Variants in HTR7 observed in about 807,000 individuals in gnomAD.
HTR7 encodes the protein 5-HT-7.
HTR7 carries 16 observed loss-of-function variants against 34.0 expected under a neutral mutation model. The observed-to-expected ratio is 0.47, with a 90% CI of 0.32 to 0.71. The LOEUF (loss-of-function observed/expected upper bound fraction) is 0.71. HTR7 is among the 30% of genes least tolerant of loss of function. The pLI is 0.04. For missense variants in HTR7, 504 were observed against 625.5 expected (o/e 0.81, Z 2.07); for synonymous variants, 265 against 260.2 (o/e 1.02, Z -0.18).
chr10:90,821,340 C>T (rs1845977909), intron 1 of HTR7, among the ~76,000 whole-genome samples: 2 of 152,152 alleles, frequency 1.3e-5, no homozygotes, highest in Non-Finnish European at 2.9e-5. Flanking sequence ...AGAAAGAGCA[C>T]AGTGATTGTG....
intron 1 of HTR7, among the ~76,000 whole-genome samples, chr10:90,759,624 C>T (rs377702904): frequency 6.9e-6 from 1 of 144,476 alleles, no homozygotes; most frequent in Non-Finnish European, 1.5e-5. Context: ...CACTGCAGTC[C>T]GCAGTCCGGC....
intron 2 of HTR7, among the ~76,000 whole-genome samples, chr10:90,744,912 T>C (rs1004239763): frequency 3.3e-5 from 5 of 152,196 alleles, no homozygotes; most frequent in African/African-American, 1.2e-4. Flanking sequence ...AGCTCCCACA[T>C]TGGTGCCTTT....
At chr10:90,839,008 GAC>G (rs1846290182) in intron 1 of HTR7, among the ~76,000 whole-genome samples, 1 of 152,180 alleles carries the variant, frequency 6.6e-6, no homozygotes, top group African/African-American at 2.4e-5. Flanking sequence ...TGATAAGGAA[GAC>G]TAACCAACAT....
At chr10:90,767,265 C>T (rs959672491) in intron 1 of HTR7, among the ~76,000 whole-genome samples, 1 of 152,190 alleles carries the variant, frequency 6.6e-6, no homozygotes, top group Non-Finnish European at 1.5e-5. Context: ...GGGGTAAACC[C>T]TACTTTAAAA....
At chr10:90,811,823 A>G (rs973763861) in intron 1 of HTR7, among the ~76,000 whole-genome samples, 1 of 151,576 alleles carries the variant, frequency 6.6e-6, no homozygotes, top group East Asian at 1.9e-4. Flanking sequence ...CCTTTCCTAC[A>G]GGGTCTGAGA....
intron 2 of HTR7, 29 bp from the exon 3 acceptor site, chr10:90,743,719 C>G (rs55802807): frequency 0.078 from 118,085 of 1,504,398 alleles, 5,249 homozygotes; most frequent in Non-Finnish European, 0.092. Context: ...CAAAGCAAAT[C>G]CATAAGTAAA....
chr10:90,754,190 A>G (rs1193328437), intron 1 of HTR7, among the ~76,000 whole-genome samples: 1 of 152,126 alleles, frequency 6.6e-6, no homozygotes, highest in African/African-American at 2.4e-5. Flanking sequence ...TAAATCTTAC[A>G]TTGTTTTATT....
In HTR7 at chr10:90,749,382, G is replaced by A; in HGVS notation, c.752C>T (p.Pro251Leu). The change falls in exon 2 of 4, where the codon CCC becomes CTC. Residue 251 changes from proline to leucine, a missense_variant. Physicochemically the swap from Pro to Leu is moderately conservative, Grantham distance 98. Coordinates refer to ENST00000336152, the MANE Select transcript of HTR7 (RefSeq NM_019859.4). The surrounding 1 kb of genome is among the most constrained non-coding windows in gnomAD (Gnocchi z 4.2). ...IYSTAVAFYI[P>L]MSVMLFMYYQ... ...GTACATGAAAAGCATGACGGACATG[G>A]GGATATAAAATGCCACTGCGGTAGA... The A allele has an allele frequency of 6.2e-7, 1 of 1,614,158 alleles. No homozygotes were observed.
At chr10:90,808,576 T>A (rs762180955) in intron 1 of HTR7, among the ~76,000 whole-genome samples, 8 of 151,394 alleles carry the variant, frequency 5.3e-5, no homozygotes, top group Non-Finnish European at 8.8e-5. Flanking sequence ...GATCCCTTAT[T>A]TCCATGCCCC....
intron 1 of HTR7, among the ~76,000 whole-genome samples, chr10:90,802,477 T>C (rs1845642088): frequency 6.6e-6 from 1 of 152,206 alleles, no homozygotes; most frequent in Admixed American, 6.6e-5. Flanking sequence ...GGTAAAAACC[T>C]GGAAAATTAC....
chr10:90,750,912 T>C (rs1844723055), intron 1 of HTR7, among the ~76,000 whole-genome samples: 1 of 152,208 alleles, frequency 6.6e-6, no homozygotes, highest in Non-Finnish European at 1.5e-5. Context: ...CTCATTTTAC[T>C]GGACAGGTTC....
At chr10:90,761,036 T>C (rs1370431652) in intron 1 of HTR7, among the ~76,000 whole-genome samples, 2 of 152,244 alleles carry the variant, frequency 1.3e-5, no homozygotes, top group African/African-American at 4.8e-5. Context: ...TAATATTTTG[T>C]TAAAATAACA....
intron 1 of HTR7, among the ~76,000 whole-genome samples, chr10:90,812,168 A>G (rs1233680640): frequency 6.6e-6 from 1 of 152,204 alleles, no homozygotes; most frequent in Non-Finnish European, 1.5e-5. Context: ...TCCTGTATAG[A>G]CGCTCCTTTT....
intron 1 of HTR7, among the ~76,000 whole-genome samples, chr10:90,790,275 C>G (rs2119877979): frequency 6.6e-6 from 1 of 152,304 alleles, no homozygotes; most frequent in East Asian, 1.9e-4. Context: ...CCCCAAATGA[C>G]TTAATTTGTG....
intron 2 of HTR7, among the ~76,000 whole-genome samples, chr10:90,744,961 TCTC>T (rs1844611682): frequency 6.6e-6 from 1 of 152,182 alleles, no homozygotes; most frequent in Non-Finnish European, 1.5e-5. Context: ...CCATTTCTGC[TCTC>T]CTTTCACTAT....
intron 1 of HTR7, among the ~76,000 whole-genome samples, chr10:90,844,418 C>T (rs1391741242): frequency 1.3e-5 from 2 of 152,162 alleles, no homozygotes; most frequent in Admixed American, 1.3e-4. Context: ...GATATAATCA[C>T]ATTTTTATGT....
chr10:90,841,453 C>T (rs1048431376), intron 1 of HTR7, among the ~76,000 whole-genome samples: 1 of 152,142 alleles, frequency 6.6e-6, no homozygotes, highest in African/African-American at 2.4e-5. Flanking sequence ...GGCTGTGTTC[C>T]TTTCTGGAGA....
chr10:90,816,080 G>A (rs1160404605), intron 1 of HTR7, among the ~76,000 whole-genome samples: 1 of 152,154 alleles, frequency 6.6e-6, no homozygotes, highest in African/African-American at 2.4e-5. Flanking sequence ...GTACAACGAG[G>A]AGATACTCAT....
At chr10:90,837,919 T>C (rs546638694) in intron 1 of HTR7, among the ~76,000 whole-genome samples, 1 of 152,336 alleles carries the variant, frequency 6.6e-6, no homozygotes, top group South Asian at 2.1e-4. Context: ...TATTCCATCT[T>C]TGTCAAAACA....
Sources: gnomAD v4.1 joint callset for allele counts (sites outside exome capture counted in the v4.1 genomes callset) on GRCh38, gnomAD v4.1.1 for gene constraint, Gnocchi (gnomAD v3.1) non-coding constraint, MANE v1.5 for transcripts, NCBI Gene and HGNC (gene_info 2026-07-23, HGNC 2026-07-21) for gene names.